Variants in ZSCAN5A observed in about 807,000 individuals in gnomAD.
ZSCAN5A encodes the protein zinc finger and SCAN domain-containing protein 5A.
A neutral mutation model predicts 23.7 loss-of-function variants in ZSCAN5A; 12 were observed. The ratio of observed to expected loss-of-function variants is 0.51; its 90% CI spans 0.32 to 0.82. ZSCAN5A has a LOEUF of 0.82. Among genes scored for constraint, ZSCAN5A ranks in the 40% least tolerant of loss-of-function variants. The pLI is 0.03. For missense variants in ZSCAN5A, 597 were observed against 617.9 expected, an observed-to-expected ratio of 0.97 and a Z score of 0.36; for synonymous variants, 257 against 239.9, an observed-to-expected ratio of 1.07 and a Z score of -0.66.
intron 2 of ZSCAN5A, among the ~76,000 whole-genome samples, chr19:56,230,463 A>G (rs112321805): frequency 0.046 from 7,051 of 152,276 alleles, 382 homozygotes; most frequent in East Asian, 0.25. Flanking sequence ...GTCAGAACCA[A>G]GCTAGTTAAC....
At chr19:56,230,375 T>A (rs1412037088) in intron 2 of ZSCAN5A, among the ~76,000 whole-genome samples, 1 of 152,310 alleles carries the variant, frequency 6.6e-6, no homozygotes, top group African/African-American at 2.4e-5. Flanking sequence ...TGAGCCACCA[T>A]ACCCGGCCCC....
At chr19:56,236,625 A>C in intron 2 of ZSCAN5A, among the ~76,000 whole-genome samples, 1 of 62,334 alleles carries the variant, frequency 1.6e-5, no homozygotes. Context: ...CCTCCACTCC[A>C]GCCTCTGATG....
chr19:56,282,046 T>C (rs2038751272), intron 2 of ZSCAN5A, among the ~76,000 whole-genome samples: 1 of 152,180 alleles, frequency 6.6e-6, no homozygotes, highest in Non-Finnish European at 1.5e-5. Flanking sequence ...GCCTTTGCTC[T>C]AGAATGTACA....
Position 56,226,275 on chromosome 19 carries a change from G to A in ZSCAN5A, c.-127-1102C>T, listed in dbSNP as rs911254994. On this transcript the variant is annotated intron_variant, in intron 2 of 5. Transcript: ENST00000683990. ...CAGAGAGACAGCCAGGGAGACAATC[G>A]GCAGAGGCGGGAGACAACCCAGAGG... 3.9e-4 allele frequency among the ~76,000 whole-genome samples: 60 copies of A among 152,080 alleles called. 1 individual carries two copies. The highest frequency in any genetic ancestry group is 1.2e-4 in the Non-Finnish European group (8 of 68,014).
rs558933616 is a variant in ZSCAN5A, at chr19:56,240,636, G to C, written c.-127-15463C>G. 1.4e-3 allele frequency among the ~76,000 whole-genome samples: 128 copies of C among 94,410 alleles called. 1 individual carries two copies. Among genetic ancestry groups the C allele is most frequent in the African/African-American group, 4.1e-3 (122 of 29,944 alleles). The allele number at this position is 94,410 out of a possible 152,430, so 61.9% of individuals were successfully genotyped here. ...GTTTATTTTCTCATGCATTTGCTTG[G>C]AGACCTTGTGAAAGCATCGGGTCTC... On this transcript the variant is annotated intron_variant, in intron 2 of 5. Coordinates refer to ENST00000683990, the MANE Select transcript of ZSCAN5A (RefSeq NM_001322064.3).
rs763537428 is a variant in ZSCAN5A at position 56,294,839 on chromosome 19, G to A, written c.-128+18444C>T. ...CTGACACAGGACACAACATAAACGC[G>A]CCTTGAAAACACAGTGCTCAGTCAA... On this transcript the variant is annotated intron_variant, in intron 2 of 5. Transcript: ENST00000683990. Among the ~76,000 whole-genome samples, 5 of 152,200 alleles carry A rather than the reference G, an allele frequency of 3.3e-5. No homozygotes were observed. The South Asian group carries it at 6.2e-4, about 19-fold the overall frequency.
chr19:56,222,545 C>A (rs2033375517), intron 5 of ZSCAN5A, 46 bp downstream of exon 5: 1 of 1,605,036 alleles, frequency 6.2e-7, no homozygotes, highest in Non-Finnish European at 8.5e-7. Context: ...CCCCGCACCC[C>A]AGAAGAGAGG....
At position 56,222,053 on chromosome 19, in the gene ZSCAN5A, G is replaced by T. The variant is rs781144172; in HGVS notation, c.1013C>A (p.Pro338His). 1 of 1,614,196 alleles carries T rather than the reference G, an allele frequency of 6.2e-7. No homozygotes were observed. Among genetic ancestry groups the T allele is most frequent in the Non-Finnish European group, 8.5e-7 (1 of 1,180,044 alleles). The change falls in exon 6 of 6, where the codon CCT becomes CAT. Residue 338 changes from proline to histidine, a missense_variant. Coordinates refer to ENST00000683990, the MANE Select transcript of ZSCAN5A (RefSeq NM_001322064.3). ...ATCCGGGTGACTGACTGGGCTCGCA[G>T]GGCCTGGGGAATGAATTGAATTCAT... is the stretch of plus-strand genomic sequence containing the variant. ...AGMNSIHSPG[P>H]ASPVSHPDGQ... is the part of the protein sequence containing the mutation.
At chr19:56,272,758 C>A in intron 2 of ZSCAN5A, 2 of 536,266 alleles carry the variant, frequency 3.7e-6, no homozygotes, top group Non-Finnish European at 4.8e-6. Context: ...GTCCCTGGAG[C>A]CTGGGAAGAC....
chr19:56,301,913 T>C, intron 2 of ZSCAN5A: 1 of 1,231,822 alleles, frequency 8.1e-7, no homozygotes, highest in Non-Finnish European at 1.0e-6. Flanking sequence ...GACAGGAAGC[T>C]CTAAGGCAGG....
At position 56,339,230 on chromosome 19, in the gene ZSCAN5A, A is replaced by G. The variant is rs144759329; in HGVS notation, c.-357-22962T>C. On this transcript the variant is annotated intron_variant, in intron 2 of 6. Coordinates refer to the ZSCAN5A transcript ENST00000587340. Reference sequence around the variant, plus strand: ...CACTGTAAGCAATATGCAAAGGAGCAGTTGTAGCCGTATTTAGCAATATGC... The same window carrying G: ...CACTGTAAGCAATATGCAAAGGAGCGGTTGTAGCCGTATTTAGCAATATGC... Among the ~76,000 whole-genome samples, 847 of 152,298 alleles carry G rather than the reference A, an allele frequency of 5.6e-3. 14 individuals carry two copies. The highest frequency in any genetic ancestry group is 0.019 in the African/African-American group (796 of 41,504).
intron 2 of ZSCAN5A, among the ~76,000 whole-genome samples, chr19:56,244,936 T>C (rs1054047452): frequency 1.9e-4 from 29 of 152,256 alleles, no homozygotes; most frequent in African/African-American, 4.3e-4. Flanking sequence ...TAAGTTCTAA[T>C]ACAAGGTGAG....
chr19:56,352,476 C>T lies in ZSCAN5A; in HGVS notation c.-358+10759G>A, dbSNP rs1238515111. Among the ~76,000 whole-genome samples, 2 of 152,020 alleles carry T rather than the reference C, an allele frequency of 1.3e-5. No individual in the cohort carries two copies. Among genetic ancestry groups the T allele is most frequent in the Non-Finnish European group, 1.5e-5 (1 of 68,006 alleles). Reference sequence around the variant, plus strand: ...TAAACATTTATCCTTAGATGCTGAGCGTGAATGTGAGACTGTTAGATGTAA... The same window carrying T: ...TAAACATTTATCCTTAGATGCTGAGTGTGAATGTGAGACTGTTAGATGTAA... On this transcript the variant is annotated intron_variant, in intron 2 of 6. Coordinates refer to the ZSCAN5A transcript ENST00000587340. This position sits in a 1 kb window ranked among gnomAD's most constrained non-coding sequence, Gnocchi z 4.2.
At chr19:56,339,034 C>T (rs966086470) in intron 2 of ZSCAN5A, among the ~76,000 whole-genome samples, 2 of 152,228 alleles carry the variant, frequency 1.3e-5, no homozygotes, top group Admixed American at 1.3e-4. Context: ...GCCTTAGGAA[C>T]AATGTGACCT....
At chr19:56,291,373 G>A (rs1025501236) in intron 2 of ZSCAN5A, among the ~76,000 whole-genome samples, 4 of 152,170 alleles carry the variant, frequency 2.6e-5, no homozygotes, top group Non-Finnish European at 5.9e-5. Context: ...GGATTAATGC[G>A]TCTCTAAAGG....
intron 2 of ZSCAN5A, chr19:56,266,493 C>CCCT (rs371491455): frequency 1.7e-5 from 1 of 58,002 alleles, no homozygotes. Flanking sequence ...GATGCCCCCA[C>CCCT]TTTTTTTTTT....
intron 1 of ZSCAN5A, among the ~76,000 whole-genome samples, chr19:56,364,400 A>G (rs2041752308): frequency 6.6e-6 from 1 of 152,264 alleles, no homozygotes; most frequent in African/African-American, 2.4e-5. Context: ...CTTCACTAAG[A>G]AAACAGGATA....
At chr19:56,342,948 T>A (rs536408826) in intron 2 of ZSCAN5A, 1 of 1,015,388 alleles carries the variant, frequency 9.8e-7, no homozygotes, top group African/African-American at 1.6e-5. Flanking sequence ...GCACTTTGGT[T>A]ATTCTTGCCC....
intron 2 of ZSCAN5A, among the ~76,000 whole-genome samples, chr19:56,353,745 G>A (rs1487631194): frequency 6.6e-6 from 1 of 151,990 alleles, no homozygotes; most frequent in African/African-American, 2.4e-5. Context: ...TCGTGCCACT[G>A]CACTCCAGCC....
Sources: gnomAD v4.1 joint callset for allele counts (sites outside exome capture counted in the v4.1 genomes callset) on GRCh38, gnomAD v4.1.1 for gene constraint, Gnocchi (gnomAD v3.1) non-coding constraint, MANE v1.5 for transcripts, NCBI Gene and HGNC (gene_info 2026-07-23, HGNC 2026-07-21) for gene names.